The following GPRC5C variants were observed in gnomAD, a reference collection of about 807,000 sequenced individuals.
The protein encoded by GPRC5C is G protein-coupled receptor class C group 5 member C.
GPRC5C carries 22 observed loss-of-function variants against 31.4 expected under a neutral mutation model. The ratio of observed to expected loss-of-function variants is 0.70; its 90% CI spans 0.50 to 1.00. The LOEUF is 1.00. GPRC5C is among the 50% of genes least tolerant of loss of function. The pLI is 0.00. For missense variants in GPRC5C, 557 were observed against 597.2 expected (o/e 0.93, Z 0.70); for synonymous variants, 249 against 257.5 (o/e 0.97, Z 0.32).
At chr17:74,441,794 A>C (rs2055544890) in intron 2 of GPRC5C, among the ~76,000 whole-genome samples, 1 of 151,950 alleles carries the variant, frequency 6.6e-6, no homozygotes, top group African/African-American at 2.4e-5. Flanking sequence ...ACCACATTCC[A>C]GCCTGGATGA....
chr17:74,443,092 C>A (rs1232075244), intron 2 of GPRC5C: 1 of 155,774 alleles, frequency 6.4e-6, no homozygotes, highest in African/African-American at 2.4e-5. Flanking sequence ...GCCAGACGTC[C>A]GCTGTGCCGT....
downstream of GPRC5C, chr17:74,450,495 C>A (rs2055703442): frequency 6.6e-6 from 1 of 152,240 alleles, no homozygotes; most frequent in Non-Finnish European, 1.5e-5. Flanking sequence ...AAAGATTATG[C>A]TGTTTCCTAA....
intron 1 of GPRC5C, among the ~76,000 whole-genome samples, chr17:74,435,076 G>A (rs1314657881): frequency 6.6e-6 from 1 of 151,826 alleles, no homozygotes; most frequent in Non-Finnish European, 1.5e-5. Flanking sequence ...AAAATTAGCC[G>A]GGCGTGGTGG....
At chr17:74,442,772 C>T (rs1323137367) in intron 2 of GPRC5C, among the ~76,000 whole-genome samples, 3 of 152,198 alleles carry the variant, frequency 2.0e-5, no homozygotes, top group African/African-American at 7.2e-5. Context: ...GATCTGCCCA[C>T]CTGGGCTGAG....
At position 74,440,565 on chromosome 17, in the gene GPRC5C, T is replaced by C; in HGVS notation, c.789T>C (p.Tyr263=). Residue 263 remains tyrosine, a synonymous_variant, in exon 2 of 4, where the codon TAT becomes TAC. Transcript: ENST00000392627. This position sits in a 1 kb window ranked among gnomAD's most constrained non-coding sequence, Gnocchi z 4.4. ...TATGGGTGGTGTGGATCGTCATGTA[T>C]ACTTACGGCAACAAGCAGCACAACA... ...VAIWVVWIVM[Y]TYGNKQHNSP... is the part of the protein sequence containing the mutation. 6.2e-7 allele frequency: 1 copy of C among 1,613,996 alleles called. No homozygotes were observed. Among genetic ancestry groups the C allele is most frequent in the Admixed American group, 1.7e-5 (1 of 60,020 alleles).
downstream of GPRC5C, chr17:74,449,451 C>T: frequency 1.2e-6 from 1 of 857,268 alleles, no homozygotes; most frequent in South Asian, 1.4e-5. Flanking sequence ...CTTTCCCATC[C>T]TTGTCATTGG....
In GPRC5C at chr17:74,434,526, G is replaced by A. The variant is rs1475130180; in HGVS notation, c.-33+2385G>A. On this transcript the variant is annotated intron_variant, in intron 1 of 3. Transcript: ENST00000392627. ...ATCAGAAGGCTCAGTCTTAGTGCAG[G>A]GTCTGGGGACCCACAGGAGGCAGAA... Among the ~76,000 whole-genome samples the A allele has an allele frequency of 3.3e-5, 5 of 152,274 alleles. No individual in the cohort carries two copies. In the East Asian group the frequency reaches 9.7e-4, roughly 29 times the overall value.
chr17:74,450,712 A>C (rs2055705868), downstream of GPRC5C: 1 of 150,258 alleles, frequency 6.7e-6, no homozygotes, highest in Non-Finnish European at 1.5e-5. Flanking sequence ...GTCACCCAGC[A>C]AAGAGGGGGT....
At chr17:74,448,786 C>T (rs1420389084), downstream of GPRC5C, 1 of 866,394 alleles carries the variant, frequency 1.2e-6, no homozygotes, top group African/African-American at 1.7e-5. Context: ...TGGGGTGAGA[C>T]AGGGCCTCAG....
intron 3 of GPRC5C, chr17:74,445,241 C>G (rs2055607541): frequency 6.6e-6 from 1 of 150,612 alleles, no homozygotes; most frequent in Non-Finnish European, 1.5e-5. Flanking sequence ...CAGAGTGAGA[C>G]TCTGTCTCCA....
downstream of GPRC5C, chr17:74,448,680 A>G (rs1436393043): frequency 4.8e-6 from 2 of 412,474 alleles, no homozygotes; most frequent in Non-Finnish European, 9.7e-6. Context: ...CTCTCGGCCC[A>G]TCAGCTCATT....
downstream of GPRC5C, among the ~76,000 whole-genome samples, chr17:74,448,365 TTTTAA>T (rs1186966398): frequency 6.6e-6 from 1 of 152,118 alleles, no homozygotes; most frequent in African/African-American, 2.4e-5. Flanking sequence ...GCAGCTCATT[TTTTAA>T]TTTAATTTAA....
At chr17:74,438,182 A>G (rs1481725029) in intron 1 of GPRC5C, among the ~76,000 whole-genome samples, 3 of 136,082 alleles carry the variant, frequency 2.2e-5, no homozygotes, top group African/African-American at 8.5e-5. Context: ...CTACAGGTGC[A>G]TGCCACCACA....
chr17:74,437,223 C>T (rs912968017), intron 1 of GPRC5C, among the ~76,000 whole-genome samples: 1 of 152,178 alleles, frequency 6.6e-6, no homozygotes, highest in Non-Finnish European at 1.5e-5. Flanking sequence ...TGAGCCACCG[C>T]ACCCAGCCTA....
intron 1 of GPRC5C, among the ~76,000 whole-genome samples, chr17:74,433,465 T>A (rs2055385768): frequency 6.6e-6 from 1 of 151,824 alleles, no homozygotes. Flanking sequence ...CCCACCAACC[T>A]ACACACTGAG....
In GPRC5C at chr17:74,440,228, C is replaced by A. The variant is rs2055508247; in HGVS notation, c.452C>A (p.Pro151His). Residue 151 changes from proline to histidine, a missense_variant, in exon 2 of 4, where the codon CCC becomes CAC. Transcript: ENST00000392627. The surrounding 1 kb of genome is among the most constrained non-coding windows in gnomAD (Gnocchi z 4.4). ...TTCCTGGCCCGGAAGAACCACGGGC[C>A]CCGGGGCTGGGTGATCTTCACTGTG... Reference protein sequence around the residue: ...LNFLARKNHGPRGWVIFTVAL... With the variant: ...LNFLARKNHGHRGWVIFTVAL... 1.2e-6 allele frequency: 2 copies of A among 1,614,088 alleles called. No homozygotes were observed. The highest frequency in any genetic ancestry group is 2.7e-5 in the African/African-American group (2 of 74,930).
Position 74,440,056 on chromosome 17 carries a change from C to T in GPRC5C, c.280C>T (p.Leu94Phe), listed in dbSNP as rs1269581247. The change falls in exon 2 of 4, where the codon CTT (leucine) becomes TTT (phenylalanine). Residue 94 changes from leucine (L) to phenylalanine (F), a missense_variant. By Grantham distance (22) the Leu-to-Phe change is conservative. Transcript: ENST00000392627. This position sits in a 1 kb window ranked among gnomAD's most constrained non-coding sequence, Gnocchi z 4.4. ...RSLLGTQVFF[L>F]LGTLGLFCLV... ...CCTGCTGGGGACCCAGGTATTCTTC[C>T]TTCTGGGGACCCTGGGCCTCTTCTG... is the stretch of plus-strand genomic sequence containing the variant. 2.5e-6 allele frequency: 4 copies of T among 1,612,652 alleles called. No individual in the cohort carries two copies. In the African/African-American group the frequency reaches 4.0e-5, roughly 16 times the overall value.
At chr17:74,434,497 A>G (rs1031623088) in intron 1 of GPRC5C, among the ~76,000 whole-genome samples, 3 of 152,328 alleles carry the variant, frequency 2.0e-5, no homozygotes, top group Admixed American at 6.5e-5. Flanking sequence ...TTGAACGTTC[A>G]GGGATCAGAA....
intron 1 of GPRC5C, chr17:74,432,599 G>C (rs965112341): frequency 2.5e-6 from 2 of 815,354 alleles, no homozygotes; most frequent in African/African-American, 3.7e-5. Context: ...GAGGGCAGAG[G>C]CGGGGGGACT....
Sources: allele counts gnomAD v4.1 joint callset (sites outside exome capture counted in the v4.1 genomes callset), GRCh38; gene constraint gnomAD v4.1.1; non-coding constraint Gnocchi (gnomAD v3.1); transcripts MANE v1.5; gene names NCBI Gene and HGNC (gene_info 2026-07-23, HGNC 2026-07-21).